The following GNG7 variants were observed in gnomAD, a reference collection of about 807,000 sequenced individuals.
GNG7 encodes the protein guanine nucleotide-binding protein G(I)/G(S)/G(O) subunit gamma-7.
GNG7 carries 1 observed loss-of-function variant against 4.0 expected under a neutral mutation model. The observed-to-expected ratio is 0.25, with a 90% CI of 0.09 to 1.18. The LOEUF (loss-of-function observed/expected upper bound fraction) is 1.18, where lower values mean the gene tolerates loss of function less well. GNG7 is among the 50% of genes most tolerant of loss of function. The pLI is 0.50. For missense variants in GNG7, 86 were observed against 91.9 expected (o/e 0.94, Z 0.26); for synonymous variants, 34 against 36.9 (o/e 0.92, Z 0.29).
chr19:2,515,003 A>C lies in GNG7; in HGVS notation c.*19T>G, dbSNP rs201896660. The stretch of plus-strand genomic sequence containing the variant: ...GAGAGAGAAAGAGAGAGAGAGAGAG[A>C]GAACATATGAGAACACAGTTATAAA... On this transcript the variant is annotated 3_prime_UTR_variant, in exon 5 of 5. Transcript: ENST00000382159. 1 of 1,596,490 alleles carries C rather than the reference A, an allele frequency of 6.3e-7. No homozygotes were observed. Among genetic ancestry groups the C allele is most frequent in the African/African-American group, 1.3e-5 (1 of 74,666 alleles).
chr19:2,687,789 C>T (rs1452280673), intron 1 of GNG7, among the ~76,000 whole-genome samples: 1 of 150,940 alleles, frequency 6.6e-6, no homozygotes, highest in Non-Finnish European at 1.5e-5. Context: ...GCCTGGCCAA[C>T]ACGGCGAAAC....
intron 3 of GNG7, among the ~76,000 whole-genome samples, chr19:2,535,055 A>G (rs921027472): frequency 6.6e-6 from 1 of 152,198 alleles, no homozygotes; most frequent in Non-Finnish European, 1.5e-5. Flanking sequence ...TTAACACATA[A>G]AATTAACAGT....
chr19:2,689,203 A>G (rs949897680), intron 1 of GNG7, among the ~76,000 whole-genome samples: 85 of 151,990 alleles, frequency 5.6e-4, no homozygotes, highest in Non-Finnish European at 1.0e-3. Flanking sequence ...TAATGCAAAA[A>G]AAAAGGGGGA....
intron 1 of GNG7, among the ~76,000 whole-genome samples, chr19:2,680,003 G>T (rs1188561537): frequency 1.3e-5 from 2 of 152,116 alleles, no homozygotes; most frequent in Non-Finnish European, 2.9e-5. Flanking sequence ...AGAAAAACAG[G>T]ACCGTCTTCT....
intron 3 of GNG7, among the ~76,000 whole-genome samples, chr19:2,553,641 A>G (rs891033453): frequency 6.4e-5 from 6 of 94,164 alleles, no homozygotes; most frequent in African/African-American, 1.6e-4. Context: ...TACATGTAAT[A>G]TGTTATATTA....
At chr19:2,603,972 T>C (rs7246655) in intron 2 of GNG7, among the ~76,000 whole-genome samples, 11,936 of 151,782 alleles carry the variant, frequency 0.079, 1,531 homozygotes, top group African/African-American at 0.27. Flanking sequence ...TGCCTCAGCC[T>C]CCTGAGTAGC....
At chr19:2,577,657 C>G (rs939152671) in intron 2 of GNG7, among the ~76,000 whole-genome samples, 1 of 143,946 alleles carries the variant, frequency 6.9e-6, no homozygotes, top group Non-Finnish European at 1.5e-5. Flanking sequence ...GCCGAGATCA[C>G]GCCACTGCAC....
chr19:2,520,513 T>G (rs1599370241), intron 4 of GNG7, 95 bp downstream of exon 4: 1 of 684,664 alleles, frequency 1.5e-6, no homozygotes, highest in South Asian at 1.6e-5. Context: ...ACAGTTGGGG[T>G]GCAAGCCTCT....
intron 2 of GNG7, among the ~76,000 whole-genome samples, chr19:2,581,188 G>A (rs1568251844): frequency 6.6e-6 from 1 of 152,022 alleles, no homozygotes; most frequent in African/African-American, 2.4e-5. Flanking sequence ...CACTAGAAGT[G>A]CCTTCGCCGC....
chr19:2,690,116 TC>T (rs1178406272), intron 1 of GNG7, among the ~76,000 whole-genome samples: 22 of 152,162 alleles, frequency 1.4e-4, no homozygotes, highest in African/African-American at 5.3e-4. Flanking sequence ...GCACGGTGGC[TC>T]ACGTCTGTAA....
chr19:2,549,578 C>T (rs561061458), intron 3 of GNG7, among the ~76,000 whole-genome samples: 11 of 152,162 alleles, frequency 7.2e-5, no homozygotes, highest in East Asian at 1.9e-4. Flanking sequence ...CGTGAGCCAC[C>T]GCACTGGCCG....
chr19:2,652,449 G>A (rs1042445768), intron 1 of GNG7, among the ~76,000 whole-genome samples: 7 of 151,724 alleles, frequency 4.6e-5, no homozygotes, highest in African/African-American at 1.7e-4. Context: ...GTGAAAGCCC[G>A]TCTCTACTAA....
chr19:2,565,882 G>A (rs1979890453), intron 2 of GNG7, among the ~76,000 whole-genome samples: 1 of 152,152 alleles, frequency 6.6e-6, no homozygotes, highest in Non-Finnish European at 1.5e-5. Flanking sequence ...TAGAGGCCGG[G>A]CACGGTGGCT....
chr19:2,624,951 G>C (rs1981979444), intron 2 of GNG7, among the ~76,000 whole-genome samples: 3 of 152,236 alleles, frequency 2.0e-5, no homozygotes, highest in Non-Finnish European at 2.9e-5. Context: ...TCTCCTGGCT[G>C]TCACCTTTCC....
At chr19:2,637,212 T>TCAC (rs1555699230) in intron 2 of GNG7, among the ~76,000 whole-genome samples, 1 of 150,846 alleles carries the variant, frequency 6.6e-6, no homozygotes, top group Non-Finnish European at 1.5e-5. Context: ...AGGAACAGGC[T>TCAC]CCCCCCGCCC....
chr19:2,691,633 G>A lies in GNG7; in HGVS notation c.-135+11013C>T, dbSNP rs186618155. Among the ~76,000 whole-genome samples the A allele has an allele frequency of 1.1e-3, 167 of 152,254 alleles. 1 individual carries two copies. The highest frequency in any genetic ancestry group is 3.5e-3 in the African/African-American group (144 of 41,550). ...TGTAATCCCAGCACTTTGGGAAGCCGAGGTGGAAGGATCACCTGAGGTCAG... is the reference window on the plus strand; with the variant it reads ...TGTAATCCCAGCACTTTGGGAAGCCAAGGTGGAAGGATCACCTGAGGTCAG... On this transcript the variant is annotated intron_variant, in intron 1 of 4. Transcript: ENST00000382159.
intron 2 of GNG7, among the ~76,000 whole-genome samples, chr19:2,567,133 A>C (rs142964289): frequency 1.2e-3 from 79 of 66,630 alleles, no homozygotes; most frequent in African/African-American, 4.8e-3. Context: ...CAAAAAAAAC[A>C]AAAAAAAAAC....
intron 3 of GNG7, among the ~76,000 whole-genome samples, chr19:2,553,536 A>G (rs1487716830): frequency 6.7e-6 from 1 of 148,766 alleles, no homozygotes; most frequent in African/African-American, 2.5e-5. Context: ...TACATGTAAC[A>G]TCACATTACA....
chr19:2,561,224 T>G (rs967546452), intron 2 of GNG7, among the ~76,000 whole-genome samples: 2 of 152,070 alleles, frequency 1.3e-5, no homozygotes, highest in Non-Finnish European at 2.9e-5. Context: ...TCAACCAGGA[T>G]GATTCTGCTC....
Sources: gnomAD v4.1 joint callset for allele counts (sites outside exome capture counted in the v4.1 genomes callset) on GRCh38, gnomAD v4.1.1 for gene constraint, MANE v1.5 for transcripts, NCBI Gene and HGNC (gene_info 2026-07-23, HGNC 2026-07-21) for gene names.